CIITA: variants seen among roughly 807,000 people sequenced by gnomAD.
The protein encoded by CIITA is MHC class II transactivator.
CIITA carries 72 observed loss-of-function variants against 115.1 expected under a neutral mutation model. That is an observed-to-expected ratio of 0.63 (90% CI 0.52 to 0.76). The LOEUF is 0.76. Ranked by LOEUF, CIITA falls within the 30% of genes least tolerant of loss-of-function variation. CIITA has a pLI of 0.00. For missense variants in CIITA, 1,617 were observed against 1,463.8 expected, an observed-to-expected ratio of 1.10 and a Z score of -1.71; for synonymous variants, 763 against 635.6, an observed-to-expected ratio of 1.20 and a Z score of -3.02.
chr16:10,883,855 G>A (rs2036659325), intron 1 of CIITA, among the ~76,000 whole-genome samples: 1 of 152,202 alleles, frequency 6.6e-6, no homozygotes, highest in Admixed American at 6.5e-5. Context: ...CCCATAGGGA[G>A]CACTCAAGCT....
Position 10,923,378 on chromosome 16 carries a change from C to T in CIITA, c.*22+53C>T. 15 of 1,412,690 alleles carry T rather than the reference C, an allele frequency of 1.1e-5. No individual in the cohort carries two copies. The highest frequency in any genetic ancestry group is 1.7e-5 in the Admixed American group (1 of 59,704). The allele number at this position is 1,412,690 out of a possible 1,614,324, so 87.5% of individuals were successfully genotyped here. A position where few individuals can be genotyped will look rare whatever the true frequency, so the allele number is the denominator to read the frequency against. The stretch of plus-strand genomic sequence containing the variant: ...AGCCGCAGTGGGTTGGGGGCAGTGT[C>T]CTTGTGAAGGTGGCATTCAAAAAAT... On this transcript the variant is annotated intron_variant, in intron 19 of 19. Transcript: ENST00000324288. The surrounding 1 kb of genome is among the most constrained non-coding windows in gnomAD (Gnocchi z 5.2).
intron 13 of CIITA, among the ~76,000 whole-genome samples, 159 bp from the exon 14 acceptor site, chr16:10,915,411 C>T (rs908600443): frequency 1.3e-5 from 2 of 152,024 alleles, no homozygotes; most frequent in Non-Finnish European, 2.9e-5. Context: ...TGGGGTCCTA[C>T]GTGGAAGGGT....
At chr16:10,880,881 T>G (rs2036354172) in intron 1 of CIITA, among the ~76,000 whole-genome samples, 1 of 152,176 alleles carries the variant, frequency 6.6e-6, no homozygotes. Context: ...GCTTGCTTGA[T>G]GATGTCTGAT....
intron 18 of CIITA, 32 bp downstream of exon 18, chr16:10,922,522 C>T: frequency 6.2e-7 from 1 of 1,608,096 alleles, no homozygotes. Flanking sequence ...GGGTGGAGAA[C>T]AACTCACTCC....
In CIITA at chr16:10,901,806, G is replaced by A. The variant is rs759981372; in HGVS notation, c.482-232G>A. 6.4e-5 allele frequency: 44 copies of A among 692,706 alleles called. No individual in the cohort carries two copies. The highest frequency in any genetic ancestry group is 5.7e-4 in the South Asian group (32 of 56,366). 42.9% of individuals were successfully genotyped at this position (692,706 alleles called of 1,614,324 possible). On this transcript the variant is annotated intron_variant, in intron 6 of 19. Coordinates refer to ENST00000324288, the MANE Select transcript of CIITA (RefSeq NM_000246.4). This position sits in a 1 kb window ranked among gnomAD's most constrained non-coding sequence, Gnocchi z 6.8. ...GTTCTATTCTGCCCCAGCTCTCCGT[G>A]TGGAGGCCCTAGGGTCCTGCTCAGC...
At chr16:10,895,556 G>A (rs1238651601) in intron 2 of CIITA, 113 bp from the exon 3 acceptor site, 2 of 1,556,854 alleles carry the variant, frequency 1.3e-6, no homozygotes, top group African/African-American at 1.4e-5. Flanking sequence ...ACGTCTGTGG[G>A]ACGCTCTCTG....
chr16:10,938,237 T>G (rs1397757135), downstream of CIITA: 1 of 152,146 alleles, frequency 6.6e-6, no homozygotes, highest in Non-Finnish European at 1.5e-5. This position sits in a 1 kb window ranked among gnomAD's most constrained non-coding sequence, Gnocchi z 4.9. Context: ...TTAAGCAGCA[T>G]GCCCAAGGTC....
intron 3 of CIITA, among the ~76,000 whole-genome samples, chr16:10,897,074 G>T (rs1478942880): frequency 6.6e-6 from 1 of 152,184 alleles, no homozygotes; most frequent in African/African-American, 2.4e-5. Context: ...CACAGGCAGC[G>T]AAAGCTGTCT....
Position 10,927,132 on chromosome 16 carries a change from A to G in CIITA, c.*3277A>G, listed in dbSNP as rs2040564670. The G allele has an allele frequency of 6.6e-6, 1 of 151,806 alleles. No individual in the cohort carries two copies. The highest frequency in any genetic ancestry group is 2.1e-4 in the South Asian group (1 of 4,834). 9.4% of individuals were successfully genotyped at this position (151,806 alleles called of 1,614,324 possible). A position where few individuals can be genotyped will look rare whatever the true frequency, so the allele number is the denominator to read the frequency against. ...TTATGTGAAGGTGTGGTGAGCTAAT[A>G]CGTTAAGAATTGGAGCTCAATAACA... On this transcript the variant is annotated 3_prime_UTR_variant, in exon 20 of 20. Coordinates refer to ENST00000324288, the MANE Select transcript of CIITA (RefSeq NM_000246.4).
At chr16:10,893,272 C>A (rs995753668) in intron 1 of CIITA, among the ~76,000 whole-genome samples, 1 of 152,124 alleles carries the variant, frequency 6.6e-6, no homozygotes, top group Admixed American at 6.5e-5. Context: ...GATGCTGGTA[C>A]CTTGTTTCAG....
At chr16:10,895,904 C>G in intron 3 of CIITA, 140 bp downstream of exon 3, 1 of 866,296 alleles carries the variant, frequency 1.2e-6, no homozygotes. Flanking sequence ...GGAGCAATGG[C>G]TGGAGGAACG....
chr16:10,923,006 T>C lies in CIITA; in HGVS notation c.3318-222T>C. 1.7e-6 allele frequency: 1 copy of C among 589,368 alleles called. No individual in the cohort carries two copies. The allele number at this position is 589,368 out of a possible 1,614,324, so 36.5% of individuals were successfully genotyped here. On this transcript the variant is annotated intron_variant, in intron 18 of 19. Transcript: ENST00000324288. The surrounding 1 kb of genome is among the most constrained non-coding windows in gnomAD (Gnocchi z 5.2). The stretch of plus-strand genomic sequence containing the variant: ...AAAGCACAGAGCAGTTAACTAACCT[T>C]TCTGGGGTCACACAGCAAGTCAGCT...
chr16:10,893,664 C>T (rs901818140), intron 1 of CIITA, among the ~76,000 whole-genome samples: 3 of 151,752 alleles, frequency 2.0e-5, no homozygotes, highest in Admixed American at 6.6e-5. Flanking sequence ...CAAAAATTAG[C>T]CGGGTGTGGT....
At chr16:10,908,936 A>G in intron 11 of CIITA, 93 bp from the exon 12 acceptor site, 2 of 1,579,390 alleles carry the variant, frequency 1.3e-6, no homozygotes, top group Non-Finnish European at 1.7e-6. Flanking sequence ...GAAAGAAAGT[A>G]TTTTAATAGG....
chr16:10,870,932 G>C (rs2035440168), intron 1 of CIITA, among the ~76,000 whole-genome samples: 2 of 152,216 alleles, frequency 1.3e-5, no homozygotes, highest in Non-Finnish European at 2.9e-5. Flanking sequence ...GGGGGCCCCA[G>C]ACAATATCTA....
intron 13 of CIITA, chr16:10,915,202 A>T (rs939667629): frequency 6.6e-5 from 25 of 377,724 alleles, no homozygotes; most frequent in Non-Finnish European, 1.2e-4. Context: ...AGGACACACC[A>T]CCACACTTGG....
At chr16:10,892,733 G>C (rs1196245287) in intron 1 of CIITA, among the ~76,000 whole-genome samples, 1 of 152,182 alleles carries the variant, frequency 6.6e-6, no homozygotes, top group African/African-American at 2.4e-5. Context: ...AGGAGTTCAA[G>C]ACCAGCGTGG....
chr16:10,898,580 G>A lies in CIITA; in HGVS notation c.296-90G>A, dbSNP rs1054127999. The A allele has an allele frequency of 7.2e-6, 8 of 1,110,290 alleles. No individual in the cohort carries two copies. The Admixed American group carries it at 1.3e-4, about 18-fold the overall frequency. 68.8% of individuals were successfully genotyped at this position (1,110,290 alleles called of 1,614,324 possible). On this transcript the variant is annotated intron_variant, in intron 3 of 19. Transcript: ENST00000324288. The stretch of plus-strand genomic sequence containing the variant: ...TTTCTTGAGTCCCCACTGTGTGCCA[G>A]GCCCAGAGGTTCCCCAGCCCAAGGC...
chr16:10,904,401 C>T (rs2038994551), intron 9 of CIITA, among the ~76,000 whole-genome samples: 1 of 151,932 alleles, frequency 6.6e-6, no homozygotes, highest in Non-Finnish European at 1.5e-5. Context: ...TTTGTAATTT[C>T]AGTAGAGACA....
Sources: gnomAD v4.1 joint callset for allele counts (sites outside exome capture counted in the v4.1 genomes callset) on GRCh38, gnomAD v4.1.1 for gene constraint, Gnocchi (gnomAD v3.1) non-coding constraint, MANE v1.5 for transcripts, NCBI Gene and HGNC (gene_info 2026-07-23, HGNC 2026-07-21) for gene names.